Variants in METTL15 observed in about 807,000 individuals in gnomAD.
METTL15 encodes the protein 12S rRNA N(4)-cytidine methyltransferase METTL15.
Under a neutral mutation model 38.3 loss-of-function variants are expected in METTL15, and 34 were observed. The observed-to-expected ratio is 0.89, with a 90% CI of 0.68 to 1.18. The LOEUF is 1.18. METTL15 is among the 50% of genes most tolerant of loss of function. The pLI is 0.00. For missense variants in METTL15, 438 were observed against 498.4 expected (o/e 0.88, Z 1.15); for synonymous variants, 162 against 170.9 (o/e 0.95, Z 0.41).
intron 6 of METTL15, among the ~76,000 whole-genome samples, chr11:28,524,856 C>T (rs970969116): frequency 5.9e-5 from 9 of 152,084 alleles, no homozygotes; most frequent in South Asian, 2.1e-4. Context: ...AGAATGAAGC[C>T]GCGGACCCTC....
chr11:28,283,436 A>G (rs942955448), intron 4 of METTL15, among the ~76,000 whole-genome samples: 21 of 152,144 alleles, frequency 1.4e-4, no homozygotes, highest in African/African-American at 5.1e-4. Context: ...ACTGATTTTT[A>G]TAATTTGTGA....
At chr11:28,184,241 T>A (rs1412057084) in intron 3 of METTL15, among the ~76,000 whole-genome samples, 1 of 152,062 alleles carries the variant, frequency 6.6e-6, no homozygotes, top group African/African-American at 2.4e-5. Context: ...TTGAAGGGTT[T>A]TTTGTGTCTC....
intron 6 of METTL15, among the ~76,000 whole-genome samples, chr11:28,312,719 A>G (rs1391356183): frequency 1.3e-5 from 2 of 152,102 alleles, no homozygotes; most frequent in African/African-American, 2.4e-5. Context: ...CCTTCTCGCT[A>G]TGTCATCTCA....
At chr11:28,485,366 T>C (rs187218597) in intron 6 of METTL15, among the ~76,000 whole-genome samples, 2 of 152,316 alleles carry the variant, frequency 1.3e-5, no homozygotes, top group Admixed American at 6.5e-5. Flanking sequence ...AGTTCTAAGT[T>C]ACTGAAAGTC....
chr11:28,238,477 G>A (rs984814437), intron 4 of METTL15, among the ~76,000 whole-genome samples: 2 of 152,170 alleles, frequency 1.3e-5, no homozygotes, highest in African/African-American at 2.4e-5. Flanking sequence ...GTATTCGGGT[G>A]GGAATGCCCC....
chr11:28,131,501 ATTTT>A (rs370387962), intron 3 of METTL15, among the ~76,000 whole-genome samples: 1 of 117,556 alleles, frequency 8.5e-6, no homozygotes, highest in Non-Finnish European at 1.7e-5. Context: ...ACTTCCAAGC[ATTTT>A]TTTTTTTTTT....
rs142089692 is a variant in METTL15 at position 28,502,996 on chromosome 11, A to G, written c.*425-23482A>G. ...CTGTAGTAACTCTGAAATCTCAATG[A>G]CTTCAAGTAAAAATGGTTTATTTCT... On this transcript the variant is annotated intron_variant and NMD_transcript_variant, in intron 6 of 7. Transcript: ENST00000532947. 3.1e-3 allele frequency among the ~76,000 whole-genome samples: 473 copies of G among 152,322 alleles called. 1 individual carries two copies. Among genetic ancestry groups the G allele is most frequent in the African/African-American group, 0.011 (462 of 41,560 alleles).
chr11:28,473,673 A>C (rs970439429), intron 6 of METTL15, among the ~76,000 whole-genome samples: 1 of 152,146 alleles, frequency 6.6e-6, no homozygotes, highest in Non-Finnish European at 1.5e-5. Flanking sequence ...AGGATGTCCC[A>C]GGCATAGAAT....
chr11:28,275,445 A>G (rs928849042), intron 4 of METTL15, among the ~76,000 whole-genome samples: 7 of 152,004 alleles, frequency 4.6e-5, no homozygotes, highest in Admixed American at 3.9e-4. Flanking sequence ...ATGTGTAGCA[A>G]GGTTGAGTCA....
chr11:28,330,421 T>C lies in METTL15; in HGVS notation c.804T>C (p.Tyr268=). The C allele has an allele frequency of 1.3e-6, 2 of 1,548,028 alleles. No homozygotes were observed. The highest frequency in any genetic ancestry group is 1.2e-5 in the South Asian group (1 of 83,042). ...VAGAFPPSAI[Y]TRKDLLQRST... Reference sequence around the variant, plus strand: ...GAGCATTTCCTCCCTCTGCTATTTATACACGGAAAGACTTACTACAGCGAT... The same window carrying C: ...GAGCATTTCCTCCCTCTGCTATTTACACACGGAAAGACTTACTACAGCGAT... The change falls in exon 7 of 7, where the codon TAT becomes TAC. Residue 268 remains tyrosine, a synonymous_variant. Transcript: ENST00000407364.
intron 4 of METTL15, among the ~76,000 whole-genome samples, chr11:28,242,171 C>T (rs1459299763): frequency 6.6e-6 from 1 of 152,148 alleles, no homozygotes; most frequent in Non-Finnish European, 1.5e-5. Context: ...AAGAAGTATA[C>T]ATATGTTTGC....
rs561402397 is a variant in METTL15 at position 28,400,825 on chromosome 11, T to C, written c.*359-23474T>C. Among the ~76,000 whole-genome samples, 7 of 151,930 alleles carry C rather than the reference T, an allele frequency of 4.6e-5. No individual in the cohort carries two copies. The East Asian group carries it at 1.2e-3, about 25-fold the overall frequency. ...ACAATGTGTTTTCATAACATCGAAA[T>C]TGGAAAAACAAGCAATTTCTCCTAA... On this transcript the variant is annotated intron_variant and NMD_transcript_variant, in intron 5 of 7. Transcript: ENST00000532947.
intron 5 of METTL15, among the ~76,000 whole-genome samples, chr11:28,390,906 G>A (rs1256651891): frequency 6.6e-6 from 1 of 152,008 alleles, no homozygotes; most frequent in Non-Finnish European, 1.5e-5. Context: ...TTATTTCATT[G>A]AGCAGTGGTT....
intron 4 of METTL15, among the ~76,000 whole-genome samples, chr11:28,278,556 TAAG>T (rs1205600790): frequency 6.6e-6 from 1 of 152,334 alleles, no homozygotes; most frequent in East Asian, 1.9e-4. Context: ...GGCGTAAATC[TAAG>T]AAGAATTCTT....
chr11:28,343,618 A>G (rs1055963812), intron 3 of METTL15, among the ~76,000 whole-genome samples: 3 of 152,220 alleles, frequency 2.0e-5, no homozygotes, highest in African/African-American at 7.2e-5. Context: ...TGCTAAATCT[A>G]GTCTGTTTGA....
intron 4 of METTL15, among the ~76,000 whole-genome samples, chr11:28,273,642 T>C (rs958793746): frequency 1.5e-4 from 23 of 152,102 alleles, no homozygotes; most frequent in Admixed American, 3.9e-4. Context: ...AATTGAATTA[T>C]AAAACCTACC....
intron 4 of METTL15, among the ~76,000 whole-genome samples, chr11:28,276,692 A>G (rs1193932208): frequency 6.6e-6 from 1 of 152,134 alleles, no homozygotes; most frequent in Non-Finnish European, 1.5e-5. Flanking sequence ...AAAATATGTT[A>G]CAAAACCAAA....
At chr11:28,373,184 A>G (rs1394068100) in intron 5 of METTL15, among the ~76,000 whole-genome samples, 2 of 152,136 alleles carry the variant, frequency 1.3e-5, no homozygotes, top group African/African-American at 2.4e-5. Context: ...TAGATCCCTG[A>G]GGAATCGCCA....
chr11:28,109,852 A>C (rs925577138), intron 1 of METTL15, among the ~76,000 whole-genome samples: 83 of 152,294 alleles, frequency 5.4e-4, no homozygotes, highest in African/African-American at 1.9e-3. Flanking sequence ...CCATATTTTA[A>C]AGGAATTGTA....
Sources: allele counts gnomAD v4.1 joint callset (sites outside exome capture counted in the v4.1 genomes callset), GRCh38; gene constraint gnomAD v4.1.1; transcripts MANE v1.5; gene names NCBI Gene and HGNC (gene_info 2026-07-23, HGNC 2026-07-21).